The following CIC variants were observed in gnomAD, a reference collection of about 807,000 sequenced individuals.
CIC encodes protein capicua homolog.
A neutral mutation model predicts 115.7 loss-of-function variants in CIC; 18 were observed. That is an observed-to-expected ratio of 0.16 (90% CI 0.11 to 0.23). The LOEUF (loss-of-function observed/expected upper bound fraction) is 0.23, where lower values mean the gene tolerates loss of function less well. Among genes scored for constraint, CIC ranks in the 10% least tolerant of loss-of-function variants. CIC has a pLI of 1.00. For synonymous variants in CIC, 1,076 were observed against 923.0 expected (o/e 1.17, Z -3.01); for missense variants, 2,000 against 2,159.3 (o/e 0.93, Z 1.46).
intron 1 of CIC, among the ~76,000 whole-genome samples, chr19:42,269,986 A>C (rs1174478181): frequency 2.6e-5 from 4 of 152,080 alleles, no homozygotes; most frequent in African/African-American, 7.2e-5. Context: ...TTATTCAGAC[A>C]GGGTGGACAG....
intron 11 of CIC, 43 bp downstream of exon 11, chr19:42,291,509 C>T: frequency 6.2e-7 from 1 of 1,613,194 alleles, no homozygotes; most frequent in East Asian, 2.2e-5. Context: ...GGCCATAGTC[C>T]TGTTTGGCTC....
chr19:42,293,741 C>G lies in CIC; in HGVS notation c.6672C>G (p.Ala2224=), dbSNP rs770869607. 1.2e-6 allele frequency: 2 copies of G among 1,612,910 alleles called. No homozygotes were observed. The highest frequency in any genetic ancestry group is 2.7e-5 in the African/African-American group (2 of 75,062). The part of the protein sequence containing the change: ...GSSESSSGRA[A]GDTPERKEAA... ...GCGAGAGCAGCAGTGGGCGGGCAGC[C>G]GGGGACACCCCGGAGCGCAAGGAGG... Residue 2224 remains alanine (A), a synonymous_variant, in exon 17 of 21, where the codon GCC becomes GCG. Transcript: ENST00000681038.
intron 17 of CIC, 35 bp from the exon 18 acceptor site, chr19:42,293,900 C>A (rs531499146): frequency 2.5e-6 from 4 of 1,612,902 alleles, no homozygotes; most frequent in Admixed American, 3.3e-5. Context: ...CAGCTGCAGG[C>A]TGAGGCGGGG....
Position 42,293,603 on chromosome 19 carries a change from C to G in CIC, c.6534C>G (p.Phe2178Leu), listed in dbSNP as rs1235302012. Residue 2178 changes from phenylalanine (F) to leucine (L), a missense_variant, in exon 17 of 21, where the codon TTC (phenylalanine) becomes TTG (leucine). Physicochemically the swap from Phe to Leu is conservative, Grantham distance 22. Around this residue, in one of 8 missense-constraint regions of CIC, gnomAD observed 1,466 missense variants for 1,390.4 expected, o/e 1.05. Transcript: ENST00000681038. ...AKGPETMASKFPSSSSDWRVP... is the reference protein window; with the variant it reads ...AKGPETMASKLPSSSSDWRVP... The stretch of plus-strand genomic sequence containing the variant: ...CATCTCCACCCCAGGCCAGCAAATT[C>G]CCCAGCTCATCTTCAGACTGGCGCG... 6.2e-7 allele frequency: 1 copy of G among 1,613,832 alleles called. No homozygotes were observed.
Position 42,280,590 on chromosome 19 carries a change from C to A in CIC, c.2794+6013C>A, listed in dbSNP as rs1359357370. ...CGCGTCCTCGGGCTGGGTGGGGTAC[C>A]CTCCCTCCCACCGCAGACAGCTCGG... On this transcript the variant is annotated intron_variant, in intron 2 of 20. Transcript: ENST00000681038. This position sits in a 1 kb window ranked among gnomAD's most constrained non-coding sequence, Gnocchi z 4.9. Among the ~76,000 whole-genome samples the A allele has an allele frequency of 1.3e-5, 2 of 152,162 alleles. No individual in the cohort carries two copies. The highest frequency in any genetic ancestry group is 4.8e-5 in the African/African-American group (2 of 41,440).
Position 42,295,143 on chromosome 19 carries a change from G to GGGGCCGCC in CIC, c.7506_7507insGGGCCGCC (p.Pro2503GlyfsTer29). On this transcript the variant is annotated frameshift_variant, in exon 21 of 21. Transcript: ENST00000681038. LOFTEE classifies it high-confidence loss of function. Reference sequence around the variant, plus strand: ...AGCCTGGCTGGGAGGGGGCTCCCCAGCCCTCCCCCCCACCCCCAGGTCCCT... The same window carrying GGGGCCGCC: ...AGCCTGGCTGGGAGGGGGCTCCCCAGGGGCCGCCCCCTCCCCCCCACCCCCAGGTCCCT... 1 of 1,382,738 alleles carries GGGGCCGCC rather than the reference G, an allele frequency of 7.2e-7. No homozygotes were observed. Among genetic ancestry groups the GGGGCCGCC allele is most frequent in the Middle Eastern group, 2.4e-4 (1 of 4,118 alleles). The allele number at this position is 1,382,738 out of a possible 1,614,324, so 85.7% of individuals were successfully genotyped here.
chr19:42,274,807 G>A (rs1312762302), intron 2 of CIC, among the ~76,000 whole-genome samples: 1 of 152,182 alleles, frequency 6.6e-6, no homozygotes, highest in Non-Finnish European at 1.5e-5. Context: ...GGTCTCAAGA[G>A]GTCTATCAGT....
Position 42,292,346 on chromosome 19 carries a change from A to C in CIC, c.5782A>C (p.Thr1928Pro). ...GGGCGGGCACGCGCTGCCCCTGGGT[A>C]CCAGCCCTGCGTCCAGCCAGGCTGG... ...SAGGHALPLG[T>P]SPASSQAGTV... Residue 1928 changes from threonine (T) to proline (P), a missense_variant, in exon 14 of 21, where the codon ACC (threonine) becomes CCC (proline). Thr to Pro is a conservative substitution (Grantham distance 38, BLOSUM62 -1). Around this residue, in one of 8 missense-constraint regions of CIC, gnomAD observed 1,466 missense variants for 1,390.4 expected, o/e 1.05. Coordinates refer to ENST00000681038, the MANE Select transcript of CIC (RefSeq NM_001386298.1). 1 of 1,613,030 alleles carries C rather than the reference A, an allele frequency of 6.2e-7. No individual in the cohort carries two copies. Among genetic ancestry groups the C allele is most frequent in the Non-Finnish European group, 8.5e-7 (1 of 1,179,930 alleles).
intron 12 of CIC, 84 bp downstream of exon 12, chr19:42,291,829 CCTT>C (rs1422211379): frequency 7.9e-6 from 12 of 1,526,376 alleles, no homozygotes; most frequent in African/African-American, 1.4e-5. Context: ...AGTCTTTTCT[CCTT>C]CTCCATGTAT....
rs779059883 is a variant in CIC, at chr19:42,273,160, C to T, written c.1377C>T (p.Ser459=). 35 of 398,580 alleles carry T rather than the reference C, an allele frequency of 8.8e-5. No homozygotes were observed. Among genetic ancestry groups the T allele is most frequent in the Admixed American group, 1.3e-4 (3 of 22,716 alleles). The allele number at this position is 398,580 out of a possible 1,614,324, so 24.7% of individuals were successfully genotyped here. The change falls in exon 2 of 21, where the codon TCC becomes TCT. Residue 459 remains serine (S), a synonymous_variant. Coordinates refer to ENST00000681038, the MANE Select transcript of CIC (RefSeq NM_001386298.1). ...GCAGCCGCAGCAGCAGCGTGGCCTC[C>T]CTGGAAAAGGGGACAGCACCGGCAG... ...QGGSRSSSVA[S]LEKGTAPAAR...
At chr19:42,284,893 G>A (rs776772314) in intron 2 of CIC, 75 of 895,402 alleles carry the variant, frequency 8.4e-5, no homozygotes, top group African/African-American at 1.2e-4. Flanking sequence ...GGGATGACGG[G>A]GAAAGTTACG....
At chr19:42,291,505 A>C in intron 11 of CIC, 39 bp downstream of exon 11, 2 of 1,613,072 alleles carry the variant, frequency 1.2e-6, no homozygotes, top group South Asian at 1.1e-5. Context: ...GAGGGGCCAT[A>C]GTCCTGTTTG....
rs2038108859 is a variant in CIC at position 42,291,581 on chromosome 19, G to T, written c.5449G>T (p.Ala1817Ser). The T allele has an allele frequency of 6.2e-7, 1 of 1,612,944 alleles. No homozygotes were observed. The highest frequency in any genetic ancestry group is 1.1e-5 in the South Asian group (1 of 91,074). ...PKAQSVSPVQ[A>S]PPPGGSAQLL... is the part of the protein sequence containing the mutation. Reference sequence around the variant, plus strand: ...AGCCCAGTCAGTTTCTCCCGTGCAGGCCCCGCCCCCGGGTGGCTCAGCCCA... The same window carrying T: ...AGCCCAGTCAGTTTCTCCCGTGCAGTCCCCGCCCCCGGGTGGCTCAGCCCA... The change falls in exon 12 of 21, where the codon GCC becomes TCC. Residue 1817 changes from alanine to serine, a missense_variant. This residue lies in a region of CIC where 1,466 missense variants were observed against 1,390.4 expected (regional missense o/e 1.05). Transcript: ENST00000681038.
chr19:42,268,831 C>T (rs1054217702), upstream of CIC, among the ~76,000 whole-genome samples: 3 of 152,258 alleles, frequency 2.0e-5, no homozygotes, highest in Non-Finnish European at 2.9e-5. Flanking sequence ...CCTTCTACCT[C>T]CGTTCATTGG....
rs1437827204 is a variant in CIC at position 42,272,467 on chromosome 19, G to C, written c.684G>C (p.Gln228His). ...TGGTGCGCCAGGTGCGCCGAAGCCA[G>C]GACCTGGGCGTGCAGTTCCCTGGTG... ...PAVVRQVRRS[Q>H]DLGVQFPGDR... Residue 228 changes from glutamine to histidine, a missense_variant, in exon 2 of 21, where the codon CAG becomes CAC. Physicochemically the swap from Gln to His is conservative, Grantham distance 24. Transcript: ENST00000681038. The C allele has an allele frequency of 2.5e-6, 1 of 398,442 alleles. No homozygotes were observed. The highest frequency in any genetic ancestry group is 4.4e-6 in the Non-Finnish European group (1 of 226,024). The allele number at this position is 398,442 out of a possible 1,614,324, so 24.7% of individuals were successfully genotyped here.
At chr19:42,285,471 C>T (rs935758133) in intron 2 of CIC, among the ~76,000 whole-genome samples, 3 of 152,180 alleles carry the variant, frequency 2.0e-5, no homozygotes, top group African/African-American at 7.2e-5. Context: ...GTGCTGTCTT[C>T]GTGATCCCAG....
chr19:42,291,159 T>G lies in CIC; in HGVS notation c.5118T>G (p.Gly1706=), dbSNP rs1382290789. The G allele has an allele frequency of 6.2e-7, 1 of 1,608,128 alleles. No individual in the cohort carries two copies. Residue 1706 remains glycine, a synonymous_variant, in exon 11 of 21, where the codon GGT becomes GGG. Coordinates refer to ENST00000681038, the MANE Select transcript of CIC (RefSeq NM_001386298.1). ...GGACCACTGCGGGCTCAGGAGCAGG[T>G]GCTGGGAGTGGCCCCAATGGGCCAG... ...GGGTTAGSGA[G]AGSGPNGPVP... is the part of the protein sequence containing the mutation.
At chr19:42,288,601 A>T (rs1189781569) in intron 7 of CIC, among the ~76,000 whole-genome samples, 1 of 152,206 alleles carries the variant, frequency 6.6e-6, no homozygotes, top group African/African-American at 2.4e-5. Context: ...ACCGAGGCTC[A>T]GGCCAGCGGT....
At chr19:42,274,791 G>A (rs1011127439) in intron 2 of CIC, among the ~76,000 whole-genome samples, 1 of 152,218 alleles carries the variant, frequency 6.6e-6, no homozygotes, top group Non-Finnish European at 1.5e-5. Context: ...TCCTGTCAGA[G>A]AACGTGGTCT....
Sources: allele counts gnomAD v4.1 joint callset (sites outside exome capture counted in the v4.1 genomes callset), GRCh38; gene constraint gnomAD v4.1.1; regional missense constraint gnomAD v4.1.1; non-coding constraint Gnocchi (gnomAD v3.1); transcripts MANE v1.5; gene names NCBI Gene and HGNC (gene_info 2026-07-23, HGNC 2026-07-21).